The following SLC25A21 variants were observed in gnomAD, a reference collection of about 807,000 sequenced individuals.
SLC25A21 encodes mitochondrial 2-oxodicarboxylate carrier.
Under a neutral mutation model 43.8 loss-of-function variants are expected in SLC25A21, and 47 were observed. That is an observed-to-expected ratio of 1.07 (90% CI 0.85 to 1.37). SLC25A21 has a LOEUF of 1.37. Among genes scored for constraint, SLC25A21 ranks in the 40% most tolerant of loss-of-function variants. The pLI, the probability that SLC25A21 is intolerant of heterozygous loss-of-function variation, is 0.00. For missense variants in SLC25A21, 352 were observed against 350.2 expected, an observed-to-expected ratio of 1.00 and a Z score of -0.04; for synonymous variants, 131 against 121.3, an observed-to-expected ratio of 1.08 and a Z score of -0.52.
chr14:36,707,727 T>C (rs1421782203), intron 7 of SLC25A21, among the ~76,000 whole-genome samples: 1 of 152,242 alleles, frequency 6.6e-6, no homozygotes, highest in African/African-American at 2.4e-5. Context: ...GATTTACAAT[T>C]GTTAATAGTC....
intron 1 of SLC25A21, among the ~76,000 whole-genome samples, chr14:37,051,027 T>C (rs1281881186): frequency 6.6e-6 from 1 of 151,392 alleles, no homozygotes; most frequent in Non-Finnish European, 1.5e-5. Flanking sequence ...CCCTACTCTA[T>C]CTTTTTCCAT....
At chr14:36,727,945 T>C (rs1884667157) in intron 5 of SLC25A21, among the ~76,000 whole-genome samples, 1 of 152,186 alleles carries the variant, frequency 6.6e-6, no homozygotes, top group South Asian at 2.1e-4. Context: ...CAGGTTTTTA[T>C]TACTTACTCT....
Position 36,839,459 on chromosome 14 carries a change from A to G in SLC25A21, c.120-25458T>C, listed in dbSNP as rs1368082760. Among the ~76,000 whole-genome samples, 4 of 152,348 alleles carry G rather than the reference A, an allele frequency of 2.6e-5. No homozygotes were observed. In the East Asian group the frequency reaches 7.7e-4, roughly 29 times the overall value. On this transcript the variant is annotated intron_variant, in intron 2 of 9. Transcript: ENST00000331299. Reference sequence around the variant, plus strand: ...ATATTGGGCAAAAGGGACTAAATTAACTTTCCTATAGTTCGATTTAGTAAA... The same window carrying G: ...ATATTGGGCAAAAGGGACTAAATTAGCTTTCCTATAGTTCGATTTAGTAAA...
At chr14:36,946,702 T>G (rs1229905439) in intron 1 of SLC25A21, among the ~76,000 whole-genome samples, 1 of 152,150 alleles carries the variant, frequency 6.6e-6, no homozygotes, top group South Asian at 2.1e-4. Flanking sequence ...TAGGTAACAG[T>G]TGGTTTTGCT....
chr14:36,683,924 A>G, intron 8 of SLC25A21, 44 bp from the exon 9 acceptor site: 1 of 1,487,304 alleles, frequency 6.7e-7, no homozygotes, highest in Non-Finnish European at 9.3e-7. Context: ...TCTGAAAATA[A>G]ATGGAGTTGT....
intron 1 of SLC25A21, among the ~76,000 whole-genome samples, chr14:36,966,663 T>C (rs1445597710): frequency 6.6e-6 from 1 of 152,214 alleles, no homozygotes; most frequent in African/African-American, 2.4e-5. Context: ...GAATAACAAC[T>C]GTTATCTGCC....
rs964545166 is a variant in SLC25A21 at position 36,808,648 on chromosome 14, G to A, written c.203+5270C>T. Among the ~76,000 whole-genome samples the A allele has an allele frequency of 4.6e-5, 7 of 152,206 alleles. No homozygotes were observed. In the South Asian group the frequency reaches 8.3e-4, roughly 18 times the overall value. ...ACGGAGAAACCATGGTTATACCTGC[G>A]TGGCTTTGGGTAAGTTATTTAACTT... On this transcript the variant is annotated intron_variant, in intron 3 of 9. Coordinates refer to ENST00000331299, the MANE Select transcript of SLC25A21 (RefSeq NM_030631.4).
chr14:36,915,579 C>T lies in SLC25A21; in HGVS notation c.71-40575G>A, dbSNP rs549717593. Among the ~76,000 whole-genome samples, 91 of 152,214 alleles carry T rather than the reference C, an allele frequency of 6.0e-4. No homozygotes were observed. In the South Asian group the frequency reaches 0.01, roughly 17 times the overall value. On this transcript the variant is annotated intron_variant, in intron 1 of 9. Transcript: ENST00000331299. ...ATCTGCATAAGGCTCTCTATCCCTC[C>T]GAAGTGAAAGGATCATGCCCTTTAG...
intron 1 of SLC25A21, among the ~76,000 whole-genome samples, chr14:37,058,810 G>C (rs1207608378): frequency 6.6e-6 from 1 of 152,150 alleles, no homozygotes; most frequent in Admixed American, 6.5e-5. Context: ...TTTCCACTCA[G>C]GAATGTACAA....
rs768023408 is a variant in SLC25A21 at position 37,172,568 on chromosome 14, A to G, written c.-218T>C. Reference sequence around the variant, plus strand: ...CGGAACCTGTTCGCAGCGCTCTCGCAGAGGCGCCCTCGGCTCCGAAAATGT... The same window carrying G: ...CGGAACCTGTTCGCAGCGCTCTCGCGGAGGCGCCCTCGGCTCCGAAAATGT... On this transcript the variant is annotated 5_prime_UTR_variant, in exon 1 of 10. Transcript: ENST00000331299. The G allele has an allele frequency of 1.4e-4, 96 of 705,120 alleles. No homozygotes were observed. Among genetic ancestry groups the G allele is most frequent in the Non-Finnish European group, 1.4e-4 (54 of 387,276 alleles). 43.7% of individuals were successfully genotyped at this position (705,120 alleles called of 1,614,324 possible). A position where few individuals can be genotyped will look rare whatever the true frequency, so the allele number is the denominator to read the frequency against.
chr14:36,751,489 TG>T (rs1341007716), intron 3 of SLC25A21, among the ~76,000 whole-genome samples: 1 of 152,222 alleles, frequency 6.6e-6, no homozygotes, highest in Non-Finnish European at 1.5e-5. Context: ...GCTTCTAAAT[TG>T]ATTACTAACT....
Position 36,679,354 on chromosome 14 carries a change from T to TAATA in SLC25A21, c.*1300_*1303dup, listed in dbSNP as rs1347791700. On this transcript the variant is annotated 3_prime_UTR_variant, in exon 10 of 10. Transcript: ENST00000331299. ...TCAAATGCTCTAAATTAATAAAAAG[T>TAATA]AATAATTACCATGTTATCTTTTACT... The TAATA allele has an allele frequency of 3.1e-6, 3 of 973,936 alleles. No individual in the cohort carries two copies. Among genetic ancestry groups the TAATA allele is most frequent in the Admixed American group, 6.2e-5 (1 of 16,252 alleles). 60.3% of individuals were successfully genotyped at this position (973,936 alleles called of 1,614,324 possible).
In SLC25A21 at chr14:36,836,699, G is replaced by C. The variant is rs148889219; in HGVS notation, c.120-22698C>G. 3.9e-5 allele frequency among the ~76,000 whole-genome samples: 6 copies of C among 152,310 alleles called. No homozygotes were observed. In the East Asian group the frequency reaches 1.2e-3, roughly 29 times the overall value. The stretch of plus-strand genomic sequence containing the variant: ...GGTACCTAGGTAAGAAAATGAGCAG[G>C]TGGCAGAGAAAATGGATATAGGCAG... On this transcript the variant is annotated intron_variant, in intron 2 of 9. Transcript: ENST00000331299.
At chr14:36,953,857 T>C (rs1959254517) in intron 1 of SLC25A21, among the ~76,000 whole-genome samples, 1 of 152,168 alleles carries the variant, frequency 6.6e-6, no homozygotes, top group African/African-American at 2.4e-5. Flanking sequence ...ATTAGATATT[T>C]AATACATGCT....
chr14:36,898,600 A>C (rs1891315371), intron 1 of SLC25A21, among the ~76,000 whole-genome samples: 1 of 152,160 alleles, frequency 6.6e-6, no homozygotes, highest in Admixed American at 6.5e-5. Flanking sequence ...TTGGAAATGC[A>C]GAAATCACCT....
chr14:37,013,512 G>A (rs980644399), intron 1 of SLC25A21, among the ~76,000 whole-genome samples: 4 of 152,144 alleles, frequency 2.6e-5, no homozygotes, highest in African/African-American at 9.7e-5. Flanking sequence ...GCATTTGCAG[G>A]CTTGTTTTCA....
intron 1 of SLC25A21, among the ~76,000 whole-genome samples, chr14:37,020,822 A>T (rs937859191): frequency 2.0e-5 from 3 of 151,982 alleles, no homozygotes; most frequent in Admixed American, 2.0e-4. Flanking sequence ...ACCAAATACA[A>T]TCATCTGTTG....
intron 1 of SLC25A21, among the ~76,000 whole-genome samples, chr14:36,998,350 T>C (rs17105899): frequency 0.11 from 16,093 of 152,124 alleles, 1,049 homozygotes; most frequent in African/African-American, 0.18. Context: ...CCAATGTGTG[T>C]TGAGTTTAGC....
chr14:37,134,790 A>C (rs1219381823), intron 1 of SLC25A21, among the ~76,000 whole-genome samples: 5 of 152,142 alleles, frequency 3.3e-5, no homozygotes, highest in Admixed American at 6.6e-5. Flanking sequence ...CTTCATAATC[A>C]ACCTTAATAT....
Sources: allele counts gnomAD v4.1 joint callset (sites outside exome capture counted in the v4.1 genomes callset), GRCh38; gene constraint gnomAD v4.1.1; transcripts MANE v1.5; gene names NCBI Gene and HGNC (gene_info 2026-07-23, HGNC 2026-07-21).